STT3B: variants seen among roughly 807,000 people sequenced by gnomAD.
STT3B encodes STT3 oligosaccharyltransferase complex catalytic subunit B, also known as dolichyl-diphosphooligosaccharide--protein glycosyltransferase subunit STT3B.
Under a neutral mutation model 96.8 loss-of-function variants are expected in STT3B, and 29 were observed. The observed-to-expected ratio is 0.30, with a 90% CI of 0.22 to 0.41. The LOEUF (loss-of-function observed/expected upper bound fraction) is 0.41. STT3B is among the 10% of genes least tolerant of loss of function. The pLI, the probability that STT3B is intolerant of heterozygous loss-of-function variation, is 1.00. For missense variants in STT3B, 640 were observed against 1,022.3 expected, an observed-to-expected ratio of 0.63 and a Z score of 5.10; for synonymous variants, 367 against 360.0, an observed-to-expected ratio of 1.02 and a Z score of -0.22.
At chr3:31,621,226 A>T (rs1276975923) in intron 9 of STT3B, among the ~76,000 whole-genome samples, 4 of 152,238 alleles carry the variant, frequency 2.6e-5, no homozygotes, top group Admixed American at 2.6e-4. Context: ...ATGTGGTTAC[A>T]TTCCTGTAAA....
intron 1 of STT3B, among the ~76,000 whole-genome samples, chr3:31,536,798 C>T (rs1356226862): frequency 6.6e-6 from 1 of 152,206 alleles, no homozygotes; most frequent in Admixed American, 6.5e-5. Context: ...ATTGTCTGTA[C>T]TTGCCAAACG....
chr3:31,635,272 C>A (rs1394160803), intron 15 of STT3B, among the ~76,000 whole-genome samples: 1 of 152,108 alleles, frequency 6.6e-6, no homozygotes, highest in Non-Finnish European at 1.5e-5. Context: ...ATAATTTATC[C>A]TGTGGGGTTC....
At chr3:31,538,661 G>T (rs745688469) in intron 1 of STT3B, among the ~76,000 whole-genome samples, 1 of 152,088 alleles carries the variant, frequency 6.6e-6, no homozygotes, top group Non-Finnish European at 1.5e-5. Context: ...GTAAATCCCT[G>T]CAATAAATAG....
chr3:31,568,444 C>T (rs146670587), intron 1 of STT3B, among the ~76,000 whole-genome samples: 2 of 152,248 alleles, frequency 1.3e-5, no homozygotes, highest in East Asian at 3.9e-4. Context: ...TACTGTTCTT[C>T]GTAGTGGCTG....
At chr3:31,562,323 A>G (rs1225824660) in intron 1 of STT3B, among the ~76,000 whole-genome samples, 1 of 152,152 alleles carries the variant, frequency 6.6e-6, no homozygotes, top group Non-Finnish European at 1.5e-5. Flanking sequence ...ATGCATGAGT[A>G]TGGGTCCTAG....
At chr3:31,609,391 TC>T (rs1353292922) in intron 5 of STT3B, among the ~76,000 whole-genome samples, 2 of 152,184 alleles carry the variant, frequency 1.3e-5, no homozygotes, top group Non-Finnish European at 2.9e-5. Flanking sequence ...CATGAGTTTT[TC>T]ATAGTCTCCA....
chr3:31,559,240 G>C (rs1361805151), intron 1 of STT3B, among the ~76,000 whole-genome samples: 4 of 148,256 alleles, frequency 2.7e-5, no homozygotes, highest in Admixed American at 1.3e-4. Flanking sequence ...CTTTGCTTCT[G>C]ATTTGGGGTT....
chr3:31,614,334 A>G (rs1559386879), intron 5 of STT3B, among the ~76,000 whole-genome samples: 2 of 151,980 alleles, frequency 1.3e-5, no homozygotes, highest in South Asian at 2.1e-4. Flanking sequence ...AGTGACTTCA[A>G]ATACTTTCTC....
intron 3 of STT3B, among the ~76,000 whole-genome samples, chr3:31,584,318 G>A (rs528643491): frequency 6.6e-6 from 1 of 152,120 alleles, no homozygotes; most frequent in Non-Finnish European, 1.5e-5. Context: ...CACAGTTTTG[G>A]TTACTGTAGC....
rs1575437430 is a variant in STT3B at position 31,605,961 on chromosome 3, TGAG to T, written c.877+5505_877+5507del. ...AGGCTGAGATGGTCTCAGATGGAGA[TGAG>T]GAACTTTTTGGGAAATGGAGTAAAG... On this transcript the variant is annotated intron_variant, in intron 5 of 15. Transcript: ENST00000295770. Among the ~76,000 whole-genome samples, 7 of 152,300 alleles carry T rather than the reference TGAG, an allele frequency of 4.6e-5. No homozygotes were observed. In the East Asian group the frequency reaches 1.4e-3, roughly 29 times the overall value.
chr3:31,577,630 G>T (rs771483054), intron 2 of STT3B, among the ~76,000 whole-genome samples: 3 of 152,054 alleles, frequency 2.0e-5, no homozygotes, highest in African/African-American at 7.2e-5. Flanking sequence ...TTTGTGTTTA[G>T]AAAGAACATG....
intron 2 of STT3B, among the ~76,000 whole-genome samples, chr3:31,579,008 A>T (rs1467944587): frequency 6.6e-6 from 1 of 151,986 alleles, no homozygotes; most frequent in Non-Finnish European, 1.5e-5. Flanking sequence ...GACTTACCTA[A>T]GGGAGCAGAT....
At chr3:31,624,064 G>A (rs190364124) in intron 11 of STT3B, among the ~76,000 whole-genome samples, 10 of 152,284 alleles carry the variant, frequency 6.6e-5, no homozygotes. Flanking sequence ...ATACAGGCAT[G>A]TGTAATAATC....
intron 1 of STT3B, among the ~76,000 whole-genome samples, chr3:31,534,980 G>T (rs1697051121): frequency 6.6e-6 from 1 of 152,126 alleles, no homozygotes; most frequent in Non-Finnish European, 1.5e-5. Flanking sequence ...ATTGGAACCA[G>T]AAAATGAAAA....
intron 5 of STT3B, among the ~76,000 whole-genome samples, chr3:31,600,772 G>T (rs527632503): frequency 4.6e-5 from 7 of 151,846 alleles, no homozygotes; most frequent in African/African-American, 1.2e-4. Context: ...TTTTTATATC[G>T]AATTCAACTT....
At chr3:31,536,391 T>G (rs1307527633) in intron 1 of STT3B, among the ~76,000 whole-genome samples, 1 of 152,232 alleles carries the variant, frequency 6.6e-6, no homozygotes. Context: ...TCTCAGGCTG[T>G]GCATCCACAA....
intron 3 of STT3B, among the ~76,000 whole-genome samples, chr3:31,588,618 T>C (rs1698598868): frequency 6.6e-6 from 1 of 152,102 alleles, no homozygotes; most frequent in Non-Finnish European, 1.5e-5. Flanking sequence ...TGTAGATTTT[T>C]CCAGTGTTGT....
At chr3:31,608,721 T>C (rs1699112581) in intron 5 of STT3B, among the ~76,000 whole-genome samples, 1 of 152,228 alleles carries the variant, frequency 6.6e-6, no homozygotes, top group Non-Finnish European at 1.5e-5. Flanking sequence ...GTGTGTTTCA[T>C]AGTCCAGAAG....
chr3:31,548,335 GAA>G (rs34156346), intron 1 of STT3B, among the ~76,000 whole-genome samples: 2 of 151,266 alleles, frequency 1.3e-5, no homozygotes, highest in African/African-American at 2.4e-5. Context: ...TTAAAACAGG[GAA>G]AAAAAATGTT....
Sources: allele counts gnomAD v4.1 joint callset (sites outside exome capture counted in the v4.1 genomes callset), GRCh38; gene constraint gnomAD v4.1.1; transcripts MANE v1.5; gene names NCBI Gene and HGNC (gene_info 2026-07-23, HGNC 2026-07-21).